Variants in CELF2 observed in about 807,000 individuals in gnomAD.
CELF2 encodes CUGBP Elav-like family member 2, also known as CUG triplet repeat RNA-binding protein 2.
Under a neutral mutation model 62.6 loss-of-function variants are expected in CELF2, and 8 were observed. That is an observed-to-expected ratio of 0.13 (90% CI 0.07 to 0.23). The LOEUF (loss-of-function observed/expected upper bound fraction) is 0.23, where lower values mean the gene tolerates loss of function less well. Ranked by LOEUF, CELF2 falls within the 10% of genes least tolerant of loss-of-function variation. The pLI, the probability that CELF2 is intolerant of heterozygous loss-of-function variation, is 1.00. For missense variants in CELF2, 333 were observed against 671.0 expected (o/e 0.50, Z 5.56); for synonymous variants, 258 against 250.0 (o/e 1.03, Z -0.30).
chr10:11,270,037 C>T lies in CELF2; in HGVS notation c.619-629C>T, dbSNP rs1005707519. Among the ~76,000 whole-genome samples the T allele has an allele frequency of 1.3e-5, 2 of 152,188 alleles. No individual in the cohort carries two copies. Among genetic ancestry groups the T allele is most frequent in the Non-Finnish European group, 1.5e-5 (1 of 68,036 alleles). On this transcript the variant is annotated intron_variant, in intron 6 of 12. Transcript: ENST00000633077. This position sits in a 1 kb window ranked among gnomAD's most constrained non-coding sequence, Gnocchi z 5.8. ...ACAGGTGTGCTGAGGGAAGAGGCCT[C>T]TCTGAAAACGTGAACGGTTACTTTG...
rs2066518125 is a variant in CELF2, at chr10:10,935,416, A to G, written c.89+15417A>G. 4 of 152,338 alleles carry G rather than the reference A, an allele frequency of 2.6e-5. No homozygotes were observed. In the South Asian group the frequency reaches 8.3e-4, roughly 32 times the overall value. The allele number at this position is 152,338 out of a possible 1,614,324, so 9.4% of individuals were successfully genotyped here. ...TAAGTGTCCTAAATTAAAAATTCCTATAAAAGAGCAGAGATGAGTTTGAGA... is the reference window on the plus strand; with the variant it reads ...TAAGTGTCCTAAATTAAAAATTCCTGTAAAAGAGCAGAGATGAGTTTGAGA... On this transcript the variant is annotated intron_variant, in intron 2 of 13. Transcript: ENST00000636488.
intron 1 of CELF2, among the ~76,000 whole-genome samples, chr10:11,040,952 G>T (rs568905660): frequency 6.8e-4 from 103 of 152,268 alleles, no homozygotes; most frequent in African/African-American, 2.4e-3. Context: ...ATCTTACTTT[G>T]GTTGGGCTGC....
chr10:11,314,049 T>G lies in CELF2; in HGVS notation c.977-90T>G, dbSNP rs1462475551. ...CCACAAGCACAGCTCCTCAGCTCCG[T>G]CCACTGAGATGATGACAGAAGGATT... On this transcript the variant is annotated intron_variant, in intron 9 of 12. Transcript: ENST00000633077. The surrounding 1 kb of genome is among the most constrained non-coding windows in gnomAD (Gnocchi z 5.3). 1 of 1,328,486 alleles carries G rather than the reference T, an allele frequency of 7.5e-7. No individual in the cohort carries two copies. The highest frequency in any genetic ancestry group is 1.5e-5 in the African/African-American group (1 of 68,466). 82.3% of individuals were successfully genotyped at this position (1,328,486 alleles called of 1,614,324 possible). A position where few individuals can be genotyped will look rare whatever the true frequency, so the allele number is the denominator to read the frequency against.
chr10:10,955,734 C>A (rs557255355), intron 2 of CELF2, among the ~76,000 whole-genome samples: 1 of 152,272 alleles, frequency 6.6e-6, no homozygotes, highest in African/African-American at 2.4e-5. Flanking sequence ...TATTTTTAGC[C>A]ACCCACTCCT....
intron 2 of CELF2, among the ~76,000 whole-genome samples, chr10:10,927,641 C>G (rs2065660058): frequency 6.6e-6 from 1 of 152,210 alleles, no homozygotes; most frequent in Admixed American, 6.5e-5. Context: ...GTTACCCAAG[C>G]TGGTCTCAAA....
upstream of CELF2, chr10:11,005,042 T>G (rs1384416982): frequency 1.0e-6 from 1 of 985,294 alleles, no homozygotes; most frequent in Non-Finnish European, 1.2e-6. The surrounding 1 kb of genome is among the most constrained non-coding windows in gnomAD (Gnocchi z 4.3). Flanking sequence ...TCCCCCAATT[T>G]TTAAAGATGG....
At position 11,046,099 on chromosome 10, in the gene CELF2, A is replaced by G. The variant is rs2062786420; in HGVS notation, c.74+27936A>G. On this transcript the variant is annotated intron_variant, in intron 1 of 12. Transcript: ENST00000633077. The surrounding 1 kb of genome is among the most constrained non-coding windows in gnomAD (Gnocchi z 4.6). ...AGACCAGCTGACTTGAGCTGTCTAC[A>G]CCTTCCAGCTCTGTTCTATTTGCTG... Among the ~76,000 whole-genome samples the G allele has an allele frequency of 6.6e-6, 1 of 152,160 alleles. No homozygotes were observed. The highest frequency in any genetic ancestry group is 1.5e-5 in the Non-Finnish European group (1 of 68,026).
the CELF2 span, among the ~76,000 whole-genome samples, chr10:10,634,971 G>A: frequency 6.6e-6 from 1 of 152,140 alleles, no homozygotes; most frequent in Non-Finnish European, 1.5e-5. Context: ...AGCCCTCCAG[G>A]TTACATGACC....
At chr10:10,534,774 A>G in the CELF2 span, among the ~76,000 whole-genome samples, 3 of 152,302 alleles carry the variant, frequency 2.0e-5, no homozygotes, top group Admixed American at 1.3e-4. Context: ...TCACCCTGAT[A>G]TATTATTATG....
At chr10:11,249,309 C>A in intron 4 of CELF2, 108 bp downstream of exon 4, 2 of 842,398 alleles carry the variant, frequency 2.4e-6, no homozygotes, top group South Asian at 1.4e-5. Context: ...CTCTAGAGGA[C>A]AGAGAGCGCT....
At chr10:11,057,545 G>A (rs1279213293) in intron 1 of CELF2, among the ~76,000 whole-genome samples, 1 of 152,198 alleles carries the variant, frequency 6.6e-6, no homozygotes, top group Non-Finnish European at 1.5e-5. Flanking sequence ...TTGTGGGGGA[G>A]GATAGCATTT....
chr10:10,512,764 G>T, the CELF2 span, among the ~76,000 whole-genome samples: 1 of 152,104 alleles, frequency 6.6e-6, no homozygotes, highest in Non-Finnish European at 1.5e-5. Context: ...CTGCTGTTTG[G>T]TCAGTTCCTC....
the CELF2 span, among the ~76,000 whole-genome samples, chr10:10,666,166 C>A: frequency 6.6e-6 from 1 of 152,148 alleles, no homozygotes; most frequent in African/African-American, 2.4e-5. Flanking sequence ...TCATTCTTTC[C>A]ATTCATTGCT....
At chr10:11,140,128 C>T (rs757999019) in intron 1 of CELF2, among the ~76,000 whole-genome samples, 1 of 151,096 alleles carries the variant, frequency 6.6e-6, no homozygotes, top group Admixed American at 6.6e-5. Flanking sequence ...AGTACCTAAC[C>T]GTAACTAAAT....
At chr10:10,675,376 G>A in the CELF2 span, among the ~76,000 whole-genome samples, 9 of 152,008 alleles carry the variant, frequency 5.9e-5, no homozygotes, top group African/African-American at 1.2e-4. Flanking sequence ...ATAGATAAGC[G>A]GGGGTTTTTT....
chr10:10,482,510 A>C, the CELF2 span, among the ~76,000 whole-genome samples: 1 of 152,240 alleles, frequency 6.6e-6, no homozygotes, highest in Non-Finnish European at 1.5e-5. Flanking sequence ...ATACAACCTT[A>C]ACTATGCCAG....
intron 2 of CELF2, among the ~76,000 whole-genome samples, chr10:11,174,515 A>G (rs2133787795): frequency 6.6e-6 from 1 of 152,358 alleles, no homozygotes; most frequent in African/African-American, 2.4e-5. Flanking sequence ...TACACTCTGG[A>G]CAGTGATCAG....
intron 3 of CELF2, among the ~76,000 whole-genome samples, chr10:11,225,858 T>C (rs1032613229): frequency 1.3e-5 from 2 of 152,352 alleles, no homozygotes; most frequent in African/African-American, 2.4e-5. Flanking sequence ...TTATTTGTTA[T>C]CCCTTCTAAA....
chr10:10,835,423 C>T (rs1237696180), intron 1 of CELF2, among the ~76,000 whole-genome samples: 2 of 151,438 alleles, frequency 1.3e-5, no homozygotes, highest in African/African-American at 4.9e-5. Flanking sequence ...TGCTCTGTCA[C>T]CCAGGCTGGA....
Sources: allele counts gnomAD v4.1 joint callset (sites outside exome capture counted in the v4.1 genomes callset), GRCh38; gene constraint gnomAD v4.1.1; non-coding constraint Gnocchi (gnomAD v3.1); transcripts MANE v1.5; gene names NCBI Gene and HGNC (gene_info 2026-07-23, HGNC 2026-07-21).